Variants in MYO3A observed in about 807,000 individuals in gnomAD.
MYO3A encodes the protein myosin IIIA, also known as myosin-IIIa.
In MYO3A, 180 loss-of-function variants were observed where a neutral mutation model predicts 192.7. That is an observed-to-expected ratio of 0.93 (90% CI 0.83 to 1.06). The LOEUF (loss-of-function observed/expected upper bound fraction) is 1.06. MYO3A is among the 50% of genes least tolerant of loss of function. The pLI, the probability that MYO3A is intolerant of heterozygous loss-of-function variation, is 0.00. For synonymous variants in MYO3A, 628 were observed against 645.3 expected (o/e 0.97, Z 0.41); for missense variants, 1,896 against 1,905.0 (o/e 1.00, Z 0.09).
chr10:26,026,482 A>G lies in MYO3A; in HGVS notation c.903A>G (p.Leu301=). ...EGKDVMLQKQ[L]TEFIGIHQCM... Reference sequence around the variant, plus strand: ...AAGATGTGATGCTACAAAAACAACTAACGGAATTCATTGGCATCCATCAAT... The same window carrying G: ...AAGATGTGATGCTACAAAAACAACTGACGGAATTCATTGGCATCCATCAAT... Residue 301 remains leucine (L), a synonymous_variant, in exon 10 of 35, where the codon CTA becomes CTG. Coordinates refer to ENST00000642920, the MANE Select transcript of MYO3A (RefSeq NM_017433.5). The G allele has an allele frequency of 1.9e-6, 3 of 1,614,152 alleles. No homozygotes were observed. The highest frequency in any genetic ancestry group is 1.6e-4 in the Middle Eastern group (1 of 6,062).
At chr10:26,027,449 A>G (rs1226908198) in intron 10 of MYO3A, among the ~76,000 whole-genome samples, 2 of 151,872 alleles carry the variant, frequency 1.3e-5, no homozygotes, top group Non-Finnish European at 1.5e-5. Context: ...GGTTCAAGTG[A>G]TCTTCCTTCT....
intron 28 of MYO3A, 54 bp downstream of exon 28, chr10:26,168,928 T>C: frequency 6.5e-7 from 1 of 1,530,394 alleles, no homozygotes; most frequent in Non-Finnish European, 9.0e-7. Context: ...TTATAATACT[T>C]CTTACAGGCA....
chr10:26,205,616 T>C lies in MYO3A; in HGVS notation c.4730+2509T>C, dbSNP rs1309627233. Among the ~76,000 whole-genome samples, 8 of 124,922 alleles carry C rather than the reference T, an allele frequency of 6.4e-5. No homozygotes were observed. In the East Asian group the frequency reaches 1.5e-3, roughly 24 times the overall value. The allele number at this position is 124,922 out of a possible 152,430, so 82.0% of individuals were successfully genotyped here. On this transcript the variant is annotated intron_variant, in intron 34 of 34. Transcript: ENST00000642920. ...AGGATTTCTTTTCTTTTCTTTTTTTTTTTTTTTTTTTTTTTTTTGAGACAG... is the reference window on the plus strand; with the variant it reads ...AGGATTTCTTTTCTTTTCTTTTTTTCTTTTTTTTTTTTTTTTTTGAGACAG...
chr10:26,196,246 A>T lies in MYO3A; in HGVS notation c.4545+2935A>T, dbSNP rs192230331. On this transcript the variant is annotated intron_variant, in intron 32 of 34. Coordinates refer to ENST00000642920, the MANE Select transcript of MYO3A (RefSeq NM_017433.5). ...ATACTCAATGCTCTTTATTAAGTGC[A>T]ACTGAAATGACAAGTGATTGTGATG... 2.6e-5 allele frequency among the ~76,000 whole-genome samples: 4 copies of T among 152,386 alleles called. No individual in the cohort carries two copies. In the East Asian group the frequency reaches 5.8e-4, roughly 22 times the overall value.
intron 10 of MYO3A, among the ~76,000 whole-genome samples, chr10:26,048,107 A>G (rs1843736680): frequency 6.6e-6 from 1 of 152,196 alleles, no homozygotes; most frequent in South Asian, 2.1e-4. Flanking sequence ...TTTTTTAAGG[A>G]CAGTAGTGTA....
At chr10:25,976,146 T>C (rs1838953301) in intron 4 of MYO3A, among the ~76,000 whole-genome samples, 1 of 152,208 alleles carries the variant, frequency 6.6e-6, no homozygotes, top group Admixed American at 6.5e-5. Context: ...ACACTGCTTA[T>C]GGCAGTGTAA....
chr10:26,009,991 T>C (rs11014905), intron 6 of MYO3A, among the ~76,000 whole-genome samples: 14,293 of 152,148 alleles, frequency 0.094, 1,182 homozygotes, highest in African/African-American at 0.21. Context: ...TCTCTACAGC[T>C]AAGGTCCAGT....
intron 10 of MYO3A, among the ~76,000 whole-genome samples, chr10:26,034,884 C>T (rs573636297): frequency 5.3e-5 from 8 of 150,700 alleles, no homozygotes; most frequent in African/African-American, 1.9e-4. Context: ...TATATGTGGA[C>T]ATTTATTTGT....
At chr10:26,029,211 C>G (rs566403705) in intron 10 of MYO3A, among the ~76,000 whole-genome samples, 1 of 152,138 alleles carries the variant, frequency 6.6e-6, no homozygotes, top group African/African-American at 2.4e-5. Context: ...GTGTTATGCT[C>G]AACACTTTCT....
chr10:26,212,197 G>A lies in MYO3A; in HGVS notation c.*234G>A, dbSNP rs780811845. ...CCCGACGCTCTCTCTCGGAACTCCC[G>A]CACCCTCCTTTCTCACCAGCCCGCC... On this transcript the variant is annotated 3_prime_UTR_variant, in exon 35 of 35. Coordinates refer to ENST00000642920, the MANE Select transcript of MYO3A (RefSeq NM_017433.5). 5 of 569,228 alleles carry A rather than the reference G, an allele frequency of 8.8e-6. No individual in the cohort carries two copies. Among genetic ancestry groups the A allele is most frequent in the Non-Finnish European group, 1.5e-5 (5 of 331,804 alleles). 35.3% of individuals were successfully genotyped at this position (569,228 alleles called of 1,614,324 possible).
chr10:26,121,865 C>G (rs562041011), intron 18 of MYO3A, among the ~76,000 whole-genome samples: 1 of 152,244 alleles, frequency 6.6e-6, no homozygotes, highest in African/African-American at 2.4e-5. Context: ...GGGCTAAGTG[C>G]CAGATTATCC....
At chr10:26,004,612 G>A (rs1841066320) in intron 6 of MYO3A, among the ~76,000 whole-genome samples, 1 of 152,026 alleles carries the variant, frequency 6.6e-6, no homozygotes. Context: ...CTTGGAGAAA[G>A]GCTGATTTTA....
At chr10:26,055,894 T>A (rs34508968) in intron 10 of MYO3A, among the ~76,000 whole-genome samples, 24,756 of 152,200 alleles carry the variant, frequency 0.16, 2,302 homozygotes, top group Non-Finnish European at 0.21. Context: ...ACACATGAAT[T>A]AACACCTATT....
chr10:25,959,800 T>TGG (rs1378142776), intron 4 of MYO3A, among the ~76,000 whole-genome samples: 3 of 95,938 alleles, frequency 3.1e-5, no homozygotes, highest in Admixed American at 1.1e-4. Context: ...TCTCTTAACC[T>TGG]GGGTGTGTGT....
In MYO3A at chr10:26,070,231, C is replaced by T; in HGVS notation, c.1275+16C>T. 1 of 1,596,234 alleles carries T rather than the reference C, an allele frequency of 6.3e-7. No homozygotes were observed. Among genetic ancestry groups the T allele is most frequent in the South Asian group, 1.1e-5 (1 of 90,656 alleles). On this transcript the variant is annotated intron_variant, in intron 13 of 34. Coordinates refer to ENST00000642920, the MANE Select transcript of MYO3A (RefSeq NM_017433.5). ...TTCAGATCAGGTAAGAAGAGTCTCC[C>T]ATTCTTAGAAATTTACCTCTTAGTT...
chr10:25,991,910 G>A (rs1031483465), intron 4 of MYO3A, among the ~76,000 whole-genome samples: 3 of 152,112 alleles, frequency 2.0e-5, no homozygotes, highest in Non-Finnish European at 2.9e-5. Context: ...TGTTTTGGTT[G>A]CTGTACCCTT....
At chr10:26,208,383 G>A (rs1844071392) in intron 34 of MYO3A, among the ~76,000 whole-genome samples, 2 of 152,178 alleles carry the variant, frequency 1.3e-5, no homozygotes, top group Admixed American at 1.3e-4. Context: ...AGGATACAAG[G>A]AGGAAAGCCT....
intron 4 of MYO3A, among the ~76,000 whole-genome samples, chr10:25,963,851 T>A (rs11014878): frequency 0.081 from 12,380 of 152,094 alleles, 824 homozygotes; most frequent in African/African-American, 0.17. Context: ...CTTAGGAAAT[T>A]TATACATAAT....
intron 7 of MYO3A, among the ~76,000 whole-genome samples, chr10:26,019,290 G>A (rs568172772): frequency 1.3e-5 from 2 of 149,840 alleles, no homozygotes; most frequent in Non-Finnish European, 3.0e-5. Context: ...ACGGAGTCTC[G>A]CTCTGTCCCC....
Sources: allele counts gnomAD v4.1 joint callset (sites outside exome capture counted in the v4.1 genomes callset), GRCh38; gene constraint gnomAD v4.1.1; transcripts MANE v1.5; gene names NCBI Gene and HGNC (gene_info 2026-07-23, HGNC 2026-07-21).